ARHGEF3: variants seen among roughly 807,000 people sequenced by gnomAD.
The protein encoded by ARHGEF3 is Rho guanine nucleotide exchange factor 3.
ARHGEF3 carries 28 observed loss-of-function variants against 63.2 expected under a neutral mutation model. The observed-to-expected ratio is 0.44, with a 90% CI of 0.33 to 0.61. The LOEUF (loss-of-function observed/expected upper bound fraction) is 0.61. ARHGEF3 is among the 20% of genes least tolerant of loss of function. The pLI is 0.03. For synonymous variants in ARHGEF3, 266 were observed against 254.2 expected (o/e 1.05, Z -0.44); for missense variants, 533 against 659.3 (o/e 0.81, Z 2.10).
At chr3:57,033,710 G>A (rs1000151531) in intron 2 of ARHGEF3, among the ~76,000 whole-genome samples, 1 of 152,016 alleles carries the variant, frequency 6.6e-6, no homozygotes, top group African/African-American at 2.4e-5. Context: ...GATTTCATTT[G>A]TATTTTTAAC....
chr3:56,967,221 T>C (rs1366827999), intron 2 of ARHGEF3, among the ~76,000 whole-genome samples: 1 of 139,310 alleles, frequency 7.2e-6, no homozygotes, highest in Admixed American at 8.2e-5. Context: ...ACATATGTAA[T>C]TTAAGTTTTC....
intron 4 of ARHGEF3, among the ~76,000 whole-genome samples, chr3:56,854,228 A>G (rs2039789103): frequency 6.6e-6 from 1 of 152,068 alleles, no homozygotes; most frequent in Non-Finnish European, 1.5e-5. Context: ...TAGGCACAAA[A>G]AGGGTGAGGA....
At chr3:56,808,120 TC>T (rs1169645815) in intron 4 of ARHGEF3, among the ~76,000 whole-genome samples, 1 of 131,854 alleles carries the variant, frequency 7.6e-6, no homozygotes, top group Non-Finnish European at 1.6e-5. Context: ...TTAGACTCTG[TC>T]TCAAAAAAAA....
intron 2 of ARHGEF3, among the ~76,000 whole-genome samples, chr3:56,991,330 G>A (rs919111855): frequency 1.1e-4 from 17 of 151,990 alleles, no homozygotes; most frequent in South Asian, 4.1e-4. Context: ...CAGGTACTAT[G>A]CTAGCCACTC....
intron 3 of ARHGEF3, among the ~76,000 whole-genome samples, chr3:56,896,346 A>G (rs1310900619): frequency 6.6e-6 from 1 of 152,216 alleles, no homozygotes; most frequent in African/African-American, 2.4e-5. Context: ...TGAGTTGCAG[A>G]CATTATGTCC....
chr3:57,050,445 G>A (rs1449373615), intron 1 of ARHGEF3, among the ~76,000 whole-genome samples: 1 of 152,232 alleles, frequency 6.6e-6, no homozygotes, highest in Non-Finnish European at 1.5e-5. Context: ...GCCTATGGCT[G>A]AGCCCCAGGG....
intron 2 of ARHGEF3, among the ~76,000 whole-genome samples, chr3:56,990,744 G>A (rs2106948148): frequency 6.6e-6 from 1 of 152,236 alleles, no homozygotes; most frequent in Non-Finnish European, 1.5e-5. Flanking sequence ...CAATTTTATA[G>A]GTAAAAAAAC....
chr3:56,784,503 G>A (rs1324478443), intron 1 of ARHGEF3, among the ~76,000 whole-genome samples: 3 of 152,224 alleles, frequency 2.0e-5, no homozygotes, highest in Non-Finnish European at 2.9e-5. Flanking sequence ...GACAGTCTCT[G>A]TGACTTTGGG....
At chr3:56,884,669 G>A (rs1299307342) in intron 3 of ARHGEF3, among the ~76,000 whole-genome samples, 1 of 152,218 alleles carries the variant, frequency 6.6e-6, no homozygotes, top group Admixed American at 6.5e-5. Flanking sequence ...CGTCCTTGAG[G>A]GAAGCCTCGA....
intron 1 of ARHGEF3, among the ~76,000 whole-genome samples, chr3:57,053,922 T>G (rs999055629): frequency 6.6e-6 from 1 of 152,244 alleles, no homozygotes; most frequent in South Asian, 2.1e-4. Flanking sequence ...GCATTTGGAT[T>G]GTTTCCACCT....
intron 3 of ARHGEF3, among the ~76,000 whole-genome samples, chr3:56,907,041 G>A (rs2041708137): frequency 7.4e-6 from 1 of 135,918 alleles, no homozygotes; most frequent in African/African-American, 2.8e-5. Flanking sequence ...GAGTGCAATG[G>A]CACAATCCCA....
At chr3:57,018,277 A>T (rs12490241) in intron 2 of ARHGEF3, among the ~76,000 whole-genome samples, 44,571 of 105,898 alleles carry the variant, frequency 0.42, 6,870 homozygotes, top group African/African-American at 0.46. Context: ...AGGCTCTGTC[A>T]CAAAAAAAAA....
At chr3:56,818,361 G>A (rs17288929) in intron 4 of ARHGEF3, among the ~76,000 whole-genome samples, 19,810 of 152,194 alleles carry the variant, frequency 0.13, 1,451 homozygotes, top group South Asian at 0.27. Context: ...TTTGCACAGC[G>A]ACTACAGTGT....
chr3:57,034,569 T>A (rs1032763147), intron 2 of ARHGEF3, among the ~76,000 whole-genome samples: 1 of 151,672 alleles, frequency 6.6e-6, no homozygotes, highest in Admixed American at 6.6e-5. Context: ...ATGGCATTCC[T>A]CCTCTGGCAG....
chr3:56,964,736 G>A (rs1700419645), intron 2 of ARHGEF3, among the ~76,000 whole-genome samples: 1 of 152,052 alleles, frequency 6.6e-6, no homozygotes, highest in African/African-American at 2.4e-5. Flanking sequence ...AAAGTTTGAG[G>A]AGCCAGAAAG....
At chr3:56,973,328 T>C (rs1700999915) in intron 2 of ARHGEF3, among the ~76,000 whole-genome samples, 1 of 152,080 alleles carries the variant, frequency 6.6e-6, no homozygotes, top group Non-Finnish European at 1.5e-5. Flanking sequence ...GATGAACATA[T>C]TTGAAGGCAG....
intron 2 of ARHGEF3, among the ~76,000 whole-genome samples, chr3:57,012,784 C>A: frequency 6.6e-6 from 1 of 152,234 alleles, no homozygotes; most frequent in East Asian, 1.9e-4. Flanking sequence ...ACTCTGGCCA[C>A]ACTTGAGGAG....
chr3:56,890,132 C>T (rs12485947), intron 3 of ARHGEF3, among the ~76,000 whole-genome samples: 2,253 of 152,062 alleles, frequency 0.015, 156 homozygotes, highest in Admixed American at 0.13. Context: ...ATAAAAAGAC[C>T]CACAAGGCAT....
intron 4 of ARHGEF3, among the ~76,000 whole-genome samples, chr3:56,863,072 G>A (rs573903135): frequency 3.9e-5 from 6 of 152,188 alleles, no homozygotes; most frequent in Middle Eastern, 3.4e-3. Context: ...AGAAGGACTT[G>A]AAGAAAGATG....
Sources: allele counts gnomAD v4.1 joint callset (sites outside exome capture counted in the v4.1 genomes callset), GRCh38; gene constraint gnomAD v4.1.1; transcripts MANE v1.5; gene names NCBI Gene and HGNC (gene_info 2026-07-23, HGNC 2026-07-21).